The following CNTN5 variants were observed in gnomAD, a reference collection of about 807,000 sequenced individuals.
CNTN5 encodes contactin 5.
A neutral mutation model predicts 129.1 loss-of-function variants in CNTN5; 77 were observed. That is an observed-to-expected ratio of 0.60 (90% confidence interval 0.50 to 0.72). The LOEUF (loss-of-function observed/expected upper bound fraction) is 0.72, where lower values mean the gene tolerates loss of function less well. CNTN5 is among the 30% of genes least tolerant of loss of function. The pLI, the probability that CNTN5 is intolerant of heterozygous loss-of-function variation, is 0.00. For synonymous variants in CNTN5, 509 were observed against 465.6 expected, an observed-to-expected ratio of 1.09 and a Z score of -1.20; for missense variants, 1,478 against 1,328.8, an observed-to-expected ratio of 1.11 and a Z score of -1.75.
chr11:100,137,206 G>C (rs1206150046), intron 13 of CNTN5, among the ~76,000 whole-genome samples: 1 of 152,078 alleles, frequency 6.6e-6, no homozygotes, highest in East Asian at 1.9e-4. Flanking sequence ...GTGTCAAATA[G>C]TGTTGCACAA....
chr11:99,989,457 T>A (rs1458600318), intron 8 of CNTN5, among the ~76,000 whole-genome samples: 1 of 151,618 alleles, frequency 6.6e-6, no homozygotes, highest in South Asian at 2.1e-4. Context: ...AAGTACCAAC[T>A]TTTTTTTTCT....
rs1949860732 is a variant in CNTN5 at position 99,588,108 on chromosome 11, C to CCA, written c.55+31840_55+31841insAC. Among the ~76,000 whole-genome samples, 11 of 152,274 alleles carry CCA rather than the reference C, an allele frequency of 7.2e-5. No individual in the cohort carries two copies. In the South Asian group the frequency reaches 2.3e-3, roughly 32 times the overall value. On this transcript the variant is annotated intron_variant, in intron 3 of 24. Transcript: ENST00000524871. ...CCTGTAATCCCGGCACTTTGGGAGG[C>CCA]CGAGGCGGGCGGATCACGATGTCAG...
At chr11:99,350,387 A>G (rs755010767) in intron 2 of CNTN5, among the ~76,000 whole-genome samples, 13 of 152,216 alleles carry the variant, frequency 8.5e-5, no homozygotes, top group Non-Finnish European at 1.8e-4. Context: ...ACCACTTTAG[A>G]AAAACTTTGT....
At chr11:99,026,804 A>G (rs1033258117) in intron 1 of CNTN5, among the ~76,000 whole-genome samples, 1 of 151,634 alleles carries the variant, frequency 6.6e-6, no homozygotes, top group Non-Finnish European at 1.5e-5. Flanking sequence ...TGAAGATCAG[A>G]GCTTTTTATG....
intron 2 of CNTN5, among the ~76,000 whole-genome samples, chr11:99,349,786 A>T (rs1384286381): frequency 6.6e-6 from 1 of 152,174 alleles, no homozygotes; most frequent in African/African-American, 2.4e-5. Context: ...GGGTTGAAGG[A>T]TGGATAAGAA....
chr11:99,378,337 T>G (rs1441302185), intron 2 of CNTN5, among the ~76,000 whole-genome samples: 1 of 152,140 alleles, frequency 6.6e-6, no homozygotes, highest in Non-Finnish European at 1.5e-5. Context: ...ACTTTTATTT[T>G]TCATCAGCTA....
At chr11:99,116,476 A>G (rs1264062125) in intron 1 of CNTN5, among the ~76,000 whole-genome samples, 1 of 152,116 alleles carries the variant, frequency 6.6e-6, no homozygotes, top group Non-Finnish European at 1.5e-5. Context: ...ACATTGTTTT[A>G]TTTTAAGGCG....
chr11:100,346,862 C>T (rs966845629), intron 23 of CNTN5, among the ~76,000 whole-genome samples: 5 of 152,112 alleles, frequency 3.3e-5, no homozygotes, highest in Admixed American at 6.6e-5. Context: ...CACAGTTCCA[C>T]GTGGCTGGAG....
intron 3 of CNTN5, among the ~76,000 whole-genome samples, chr11:99,716,167 C>G (rs1281427255): frequency 6.6e-6 from 1 of 151,940 alleles, no homozygotes; most frequent in Non-Finnish European, 1.5e-5. Flanking sequence ...GTTGTGAACT[C>G]TTAGGTCAGC....
rs59613776 is a variant in CNTN5, at chr11:100,210,174, CAAA to C, written c.1885-14501_1885-14499del. Among the ~76,000 whole-genome samples, 95 of 81,086 alleles carry C rather than the reference CAAA, an allele frequency of 1.2e-3. 1 individual carries two copies. The highest frequency in any genetic ancestry group is 2.2e-3 in the African/African-American group (58 of 26,090). The allele number at this position is 81,086 out of a possible 152,430, so 53.2% of individuals were successfully genotyped here. ...AACACAGTGAAAACCTGCCTCTATACAAAAAAAAAAAAAAAAAAATACAAAAAA... is the reference window on the plus strand; with the variant it reads ...AACACAGTGAAAACCTGCCTCTATACAAAAAAAAAAAAAAAATACAAAAAA... On this transcript the variant is annotated intron_variant, in intron 15 of 24. Coordinates refer to ENST00000524871, the MANE Select transcript of CNTN5 (RefSeq NM_014361.4).
intron 16 of CNTN5, among the ~76,000 whole-genome samples, chr11:100,254,500 G>A (rs536578615): frequency 3.2e-4 from 48 of 152,050 alleles, no homozygotes; most frequent in Admixed American, 5.2e-4. Context: ...TCCAACTTTC[G>A]GTCACCTTCC....
At chr11:99,981,038 T>C (rs1938296040) in intron 8 of CNTN5, among the ~76,000 whole-genome samples, 1 of 140,454 alleles carries the variant, frequency 7.1e-6, no homozygotes, top group Admixed American at 7.5e-5. Flanking sequence ...TCAATCTACC[T>C]GTATTAGTTA....
At chr11:99,315,890 G>T (rs1038320333) in intron 1 of CNTN5, among the ~76,000 whole-genome samples, 1 of 134,474 alleles carries the variant, frequency 7.4e-6, no homozygotes, top group African/African-American at 2.6e-5. Flanking sequence ...ATGATAGAAA[G>T]AAGAGACAAT....
chr11:100,224,038 A>G (rs566223071), intron 15 of CNTN5, among the ~76,000 whole-genome samples: 1 of 152,192 alleles, frequency 6.6e-6, no homozygotes, highest in African/African-American at 2.4e-5. Flanking sequence ...TGTTCTAATC[A>G]TCTTGCCCCC....
chr11:99,781,005 A>T (rs1264844691), intron 3 of CNTN5, among the ~76,000 whole-genome samples: 1 of 152,048 alleles, frequency 6.6e-6, no homozygotes, highest in African/African-American at 2.4e-5. Flanking sequence ...TCATGTTCCC[A>T]TAAAAATATT....
At chr11:100,101,116 A>G (rs1945208053) in intron 13 of CNTN5, among the ~76,000 whole-genome samples, 1 of 152,108 alleles carries the variant, frequency 6.6e-6, no homozygotes, top group East Asian at 1.9e-4. Context: ...TGTTCCTGTA[A>G]TAGTGAGGCC....
chr11:100,305,734 T>C (rs542772594), intron 20 of CNTN5, among the ~76,000 whole-genome samples: 2 of 151,566 alleles, frequency 1.3e-5, no homozygotes, highest in Non-Finnish European at 3.0e-5. Context: ...AAATGTTCAC[T>C]TGGGTATAAA....
In CNTN5 at chr11:100,358,446, G is replaced by T. The variant is rs1952573457; in HGVS notation, c.*2226G>T. 6.6e-6 allele frequency: 1 copy of T among 151,942 alleles called. No homozygotes were observed. Among genetic ancestry groups the T allele is most frequent in the Non-Finnish European group, 1.5e-5 (1 of 67,812 alleles). 9.4% of individuals were successfully genotyped at this position (151,942 alleles called of 1,614,324 possible). ...TTAACATACACAGAATATGTATTTT[G>T]CATCATAAACCTATTTAAAAAACAG... On this transcript the variant is annotated 3_prime_UTR_variant, in exon 25 of 25. Transcript: ENST00000524871.
intron 8 of CNTN5, among the ~76,000 whole-genome samples, chr11:100,000,701 T>C (rs1208489830): frequency 6.6e-6 from 1 of 152,216 alleles, no homozygotes; most frequent in African/African-American, 2.4e-5. Flanking sequence ...GTAGAGGTTC[T>C]CCATTAGGGA....
Sources: gnomAD v4.1 joint callset for allele counts (sites outside exome capture counted in the v4.1 genomes callset) on GRCh38, gnomAD v4.1.1 for gene constraint, MANE v1.5 for transcripts, NCBI Gene and HGNC (gene_info 2026-07-23, HGNC 2026-07-21) for gene names.